FNDC1: variants seen among roughly 807,000 people sequenced by gnomAD.
FNDC1 encodes the protein fibronectin type III domain-containing protein 1.
Under a neutral mutation model 168.0 loss-of-function variants are expected in FNDC1, and 96 were observed. That is an observed-to-expected ratio of 0.57 (90% CI 0.48 to 0.68). The LOEUF (loss-of-function observed/expected upper bound fraction) is 0.68. Among genes scored for constraint, FNDC1 ranks in the 30% least tolerant of loss-of-function variants. The pLI is 0.00. For missense variants in FNDC1, 2,587 were observed against 2,482.1 expected (o/e 1.04, Z -0.90); for synonymous variants, 1,099 against 1,025.9 (o/e 1.07, Z -1.36).
In FNDC1 at chr6:159,246,866, G is replaced by A. The variant is rs754388504; in HGVS notation, c.4622-35G>A. On this transcript the variant is annotated intron_variant, in intron 14 of 22. Coordinates refer to ENST00000297267, the MANE Select transcript of FNDC1 (RefSeq NM_032532.3). ...TCTGAGAGAACCCTGGAGAAGGAGC[G>A]CTGGATGACTGGTCCTTTTCTCTGT... is the stretch of plus-strand genomic sequence containing the variant. The A allele has an allele frequency of 4.4e-5, 65 of 1,478,378 alleles. No individual in the cohort carries two copies. In the African/African-American group the frequency reaches 4.8e-4, roughly 11 times the overall value. The allele number at this position is 1,478,378 out of a possible 1,614,324, so 91.6% of individuals were successfully genotyped here. A position where few individuals can be genotyped will look rare whatever the true frequency, so the allele number is the denominator to read the frequency against.
chr6:159,204,619 C>T (rs1782452092), intron 4 of FNDC1, among the ~76,000 whole-genome samples: 1 of 152,192 alleles, frequency 6.6e-6, no homozygotes, highest in Non-Finnish European at 1.5e-5. Context: ...TCAGCGGCCT[C>T]ACTGCTGCAG....
Position 159,169,546 on chromosome 6 carries a change from C to A in FNDC1, c.-51C>A. The A allele has an allele frequency of 1.7e-6, 1 of 575,846 alleles. No individual in the cohort carries two copies. The highest frequency in any genetic ancestry group is 2.0e-5 in the African/African-American group (1 of 49,688). 35.7% of individuals were successfully genotyped at this position (575,846 alleles called of 1,614,324 possible). A position where few individuals can be genotyped will look rare whatever the true frequency, so the allele number is the denominator to read the frequency against. On this transcript the variant is annotated 5_prime_UTR_variant, in exon 1 of 23. Transcript: ENST00000297267. The surrounding 1 kb of genome is among the most constrained non-coding windows in gnomAD (Gnocchi z 6.8). ...TCGGCACTCCCCAGACTCCGGCCAG[C>A]GCCCCCCTGCCAGCCGCAAGCACCC...
chr6:159,248,366 C>T lies in FNDC1; in HGVS notation c.4691-673C>T, dbSNP rs533598891. Among the ~76,000 whole-genome samples, 64 of 151,500 alleles carry T rather than the reference C, an allele frequency of 4.2e-4. 1 individual carries two copies. The South Asian group carries it at 9.2e-3, about 22-fold the overall frequency. On this transcript the variant is annotated intron_variant, in intron 15 of 22. Transcript: ENST00000297267. The stretch of plus-strand genomic sequence containing the variant: ...CTGTCTCCAGGCTGGAGTGCGGTGG[C>T]GTGATCTTGGCTCACGGCAACCTCT...
chr6:159,266,317 A>C (rs2115032427), intron 21 of FNDC1, 72 bp downstream of exon 21: 1 of 1,495,888 alleles, frequency 6.7e-7, no homozygotes, highest in Non-Finnish European at 9.3e-7. Flanking sequence ...ACTTGGCACC[A>C]CAGGTGCATC....
rs778397856 is a variant in FNDC1 at position 159,229,807 on chromosome 6, C to T, written c.1181-8C>T. The T allele has an allele frequency of 1.9e-6, 3 of 1,601,944 alleles. No homozygotes were observed. Among genetic ancestry groups the T allele is most frequent in the East Asian group, 2.2e-5 (1 of 44,562 alleles). On this transcript the variant is annotated splice_region_variant and splice_polypyrimidine_tract_variant and intron_variant, in intron 9 of 22. Transcript: ENST00000297267. ...TCCTCCTTCCAACCATCTGCCAAAT[C>T]ATTTCAGAATACATTCTTTCATACG...
intron 13 of FNDC1, among the ~76,000 whole-genome samples, 180 bp from the exon 14 acceptor site, chr6:159,239,337 T>C (rs1298285101): frequency 6.6e-6 from 1 of 152,240 alleles, no homozygotes; most frequent in Non-Finnish European, 1.5e-5. Flanking sequence ...CTTCCTTTGC[T>C]AGACACAAGA....
intron 4 of FNDC1, among the ~76,000 whole-genome samples, chr6:159,207,581 G>A (rs9355261): frequency 0.046 from 6,947 of 152,198 alleles, 321 homozygotes; most frequent in East Asian, 0.27. Flanking sequence ...CAGCTTTTGT[G>A]GGACCCTTGC....
At chr6:159,199,204 A>G (rs897633340) in intron 2 of FNDC1, among the ~76,000 whole-genome samples, 3 of 152,200 alleles carry the variant, frequency 2.0e-5, no homozygotes, top group Non-Finnish European at 4.4e-5. Context: ...CAGGAAACCT[A>G]GTACTTAGTA....
At chr6:159,188,307 C>G (rs1782045815) in intron 1 of FNDC1, among the ~76,000 whole-genome samples, 1 of 151,674 alleles carries the variant, frequency 6.6e-6, no homozygotes, top group African/African-American at 2.4e-5. Context: ...GCTGGGTGGG[C>G]TGCTGTGAAT....
chr6:159,178,425 G>A (rs756032978), intron 1 of FNDC1, among the ~76,000 whole-genome samples: 63 of 152,100 alleles, frequency 4.1e-4, no homozygotes, highest in Non-Finnish European at 5.9e-4. Context: ...TAAGGTGGAC[G>A]TACCATGTAC....
chr6:159,171,039 C>T, intron 1 of FNDC1, among the ~76,000 whole-genome samples: 1 of 152,146 alleles, frequency 6.6e-6, no homozygotes, highest in Non-Finnish European at 1.5e-5. Flanking sequence ...GTGGCGATTC[C>T]AGCCTTCTGC....
chr6:159,243,670 T>A (rs1295321382), intron 14 of FNDC1, among the ~76,000 whole-genome samples: 1 of 152,210 alleles, frequency 6.6e-6, no homozygotes, highest in Non-Finnish European at 1.5e-5. Context: ...AATATCCAGT[T>A]TTACATAGTT....
chr6:159,219,383 T>C (rs1343536826), intron 5 of FNDC1, among the ~76,000 whole-genome samples: 2 of 152,068 alleles, frequency 1.3e-5, no homozygotes, highest in Non-Finnish European at 2.9e-5. Flanking sequence ...CAGAAAGAGG[T>C]CATCTTGACA....
chr6:159,207,464 A>G (rs1782510265), intron 4 of FNDC1, among the ~76,000 whole-genome samples: 1 of 152,164 alleles, frequency 6.6e-6, no homozygotes. Flanking sequence ...TGAGGCCAGC[A>G]TCTTGGGGTT....
At chr6:159,178,747 T>TC (rs1781819773) in intron 1 of FNDC1, among the ~76,000 whole-genome samples, 1 of 142,604 alleles carries the variant, frequency 7.0e-6, no homozygotes, top group African/African-American at 2.6e-5. Context: ...AGTGTTTTTC[T>TC]TTTTTTTTTT....
In FNDC1 at chr6:159,229,740, G is replaced by A. The variant is rs1452742518; in HGVS notation, c.1181-75G>A. On this transcript the variant is annotated intron_variant, in intron 9 of 22. Transcript: ENST00000297267. ...AGTAATGCACGTTCTAATTCGTCCT[G>A]CCCATACAGTCTGTCTGCTGGACAC... 5.9e-6 allele frequency: 8 copies of A among 1,351,132 alleles called. No homozygotes were observed. In the African/African-American group the frequency reaches 1.0e-4, roughly 17 times the overall value. The allele number at this position is 1,351,132 out of a possible 1,614,324, so 83.7% of individuals were successfully genotyped here.
At chr6:159,208,031 G>A (rs1782525256) in intron 4 of FNDC1, among the ~76,000 whole-genome samples, 1 of 152,218 alleles carries the variant, frequency 6.6e-6, no homozygotes, top group African/African-American at 2.4e-5. Flanking sequence ...TCCTGTAGGG[G>A]AATGGCTGAG....
At chr6:159,242,090 C>T (rs62432338) in intron 14 of FNDC1, among the ~76,000 whole-genome samples, 7,015 of 152,232 alleles carry the variant, frequency 0.046, 179 homozygotes, top group Admixed American at 0.066. Flanking sequence ...ACCCAAATGC[C>T]CATCAACGAT....
intron 11 of FNDC1, 131 bp from the exon 12 acceptor site, chr6:159,236,084 A>G: frequency 1.7e-6 from 1 of 604,130 alleles, no homozygotes; most frequent in Non-Finnish European, 2.9e-6. Context: ...TATTTGAGCT[A>G]TTGGTTTAAA....
Sources: gnomAD v4.1 joint callset for allele counts (sites outside exome capture counted in the v4.1 genomes callset) on GRCh38, gnomAD v4.1.1 for gene constraint, Gnocchi (gnomAD v3.1) non-coding constraint, MANE v1.5 for transcripts, NCBI Gene and HGNC (gene_info 2026-07-23, HGNC 2026-07-21) for gene names.